The following SPAG9 variants were observed in gnomAD, a reference collection of about 807,000 sequenced individuals.
SPAG9 encodes C-Jun-amino-terminal kinase-interacting protein 4.
A neutral mutation model predicts 166.5 loss-of-function variants in SPAG9; 35 were observed. The ratio of observed to expected loss-of-function variants is 0.21; its 90% CI spans 0.16 to 0.28. SPAG9 has a LOEUF of 0.28. Ranked by LOEUF, SPAG9 falls within the 10% of genes least tolerant of loss-of-function variation. The pLI, the probability that SPAG9 is intolerant of heterozygous loss-of-function variation, is 1.00. For missense variants in SPAG9, 1,235 were observed against 1,603.3 expected (o/e 0.77, Z 3.92); for synonymous variants, 534 against 565.5 (o/e 0.94, Z 0.79).
At chr17:51,048,817 T>C (rs902297591) in intron 3 of SPAG9, among the ~76,000 whole-genome samples, 2 of 152,166 alleles carry the variant, frequency 1.3e-5, no homozygotes, top group Non-Finnish European at 2.9e-5. Context: ...ACAACAAATG[T>C]TATCCACAAA....
At chr17:51,079,730 T>C in intron 1 of SPAG9, 26 bp from the exon 2 acceptor site, 1 of 1,432,006 alleles carries the variant, frequency 7.0e-7, no homozygotes, top group Non-Finnish European at 9.7e-7. Flanking sequence ...AATATAAATT[T>C]AATCAGAGAA....
chr17:51,053,671 C>T (rs1438529294), intron 3 of SPAG9, among the ~76,000 whole-genome samples: 24 of 147,966 alleles, frequency 1.6e-4, no homozygotes, highest in South Asian at 1.1e-3. Flanking sequence ...GGTGACAGAA[C>T]GAGACTCCAT....
intron 3 of SPAG9, among the ~76,000 whole-genome samples, chr17:51,053,748 G>T (rs1265481811): frequency 1.3e-5 from 2 of 148,904 alleles, no homozygotes; most frequent in Non-Finnish European, 3.0e-5. Flanking sequence ...TGATGTGGGA[G>T]GACTGCTTGA....
intron 1 of SPAG9, among the ~76,000 whole-genome samples, chr17:51,109,847 G>A (rs2049057454): frequency 6.6e-6 from 1 of 151,952 alleles, no homozygotes; most frequent in South Asian, 2.1e-4. Flanking sequence ...AAGTAGCTGG[G>A]ACTATAGGCA....
intron 2 of SPAG9, among the ~76,000 whole-genome samples, chr17:51,062,052 A>G (rs2047533712): frequency 6.6e-6 from 1 of 152,180 alleles, no homozygotes; most frequent in South Asian, 2.1e-4. Context: ...TCACAGAAAA[A>G]GGGCATTTAG....
At chr17:51,116,218 G>A (rs2049284148) in intron 1 of SPAG9, among the ~76,000 whole-genome samples, 1 of 152,108 alleles carries the variant, frequency 6.6e-6, no homozygotes, top group East Asian at 1.9e-4. Flanking sequence ...GATAATTTTT[G>A]TATTTTTAGT....
intron 10 of SPAG9, 96 bp from the exon 11 acceptor site, chr17:51,006,333 A>G: frequency 8.5e-7 from 1 of 1,178,886 alleles, no homozygotes; most frequent in South Asian, 1.5e-5. Flanking sequence ...ACCATAGACA[A>G]TAATAATTTA....
At chr17:51,060,504 T>TAA (rs1702241688) in intron 2 of SPAG9, among the ~76,000 whole-genome samples, 2 of 138,042 alleles carry the variant, frequency 1.4e-5, no homozygotes, top group Non-Finnish European at 1.5e-5. Flanking sequence ...CTTTGTCTTT[T>TAA]TAAAAAAAAA....
intron 23 of SPAG9, among the ~76,000 whole-genome samples, chr17:50,985,406 A>G (rs536281728): frequency 1.1e-4 from 16 of 152,356 alleles, no homozygotes; most frequent in African/African-American, 3.4e-4. Context: ...TACAAGCCAT[A>G]AAGAATATTC....
rs146005955 is a variant in SPAG9 at position 51,109,828 on chromosome 17, C to T, written c.303+10526G>A. The stretch of plus-strand genomic sequence containing the variant: ...CTAGGCTGGTGCGATCCTCCTGCCT[C>T]GGCCCCCCAAGTAGCTGGGACTATA... On this transcript the variant is annotated intron_variant, in intron 1 of 29. Coordinates refer to ENST00000262013, the MANE Select transcript of SPAG9 (RefSeq NM_001130528.3). 4.6e-5 allele frequency among the ~76,000 whole-genome samples: 7 copies of T among 152,110 alleles called. No homozygotes were observed. In the East Asian group the frequency reaches 5.8e-4, roughly 13 times the overall value.
In SPAG9 at chr17:50,995,533, C is replaced by A. The variant is rs776683928; in HGVS notation, c.1969G>T (p.Val657Leu). Residue 657 changes from valine to leucine, a missense_variant and splice_region_variant, in exon 17 of 30, where the codon GTA becomes TTA. Physicochemically the swap from Val to Leu is conservative, Grantham distance 32. Around this residue, in one of 6 missense-constraint regions of SPAG9, gnomAD observed 493 missense variants for 559.4 expected, o/e 0.88. Coordinates refer to ENST00000262013, the MANE Select transcript of SPAG9 (RefSeq NM_001130528.3). ...TTATTTTCACCTTGACCATTGGTTA[C>A]CTAATAATGGTGGAAGGAGGAGTGA... ...GWSLPQKYKQ[V>L]TNGQGENKMK... 1 of 1,590,230 alleles carries A rather than the reference C, an allele frequency of 6.3e-7. No homozygotes were observed. The highest frequency in any genetic ancestry group is 1.7e-5 in the Admixed American group (1 of 59,930).
intron 1 of SPAG9, among the ~76,000 whole-genome samples, chr17:51,109,737 A>G (rs1330088346): frequency 1.3e-5 from 2 of 151,894 alleles, no homozygotes; most frequent in Non-Finnish European, 2.9e-5. Context: ...TTTTTGACAG[A>G]GTCTCACTGT....
chr17:51,092,928 C>T (rs779950472), intron 1 of SPAG9, among the ~76,000 whole-genome samples: 35 of 151,380 alleles, frequency 2.3e-4, no homozygotes, highest in South Asian at 2.1e-4. Context: ...ACAGAGCAAG[C>T]AAATGTCTCT....
At chr17:51,051,255 C>A (rs910526079) in intron 3 of SPAG9, among the ~76,000 whole-genome samples, 2 of 152,110 alleles carry the variant, frequency 1.3e-5, no homozygotes, top group African/African-American at 4.8e-5. Flanking sequence ...ATTACAGGTG[C>A]CTGCCACCAT....
rs9913856 is a variant in SPAG9 at position 51,019,953 on chromosome 17, C to T, written c.1091+206G>A. Among the ~76,000 whole-genome samples, 3 of 152,304 alleles carry T rather than the reference C, an allele frequency of 2.0e-5. No individual in the cohort carries two copies. The South Asian group carries it at 6.2e-4, about 32-fold the overall frequency. ...GACACCATCCTTCCTGCTCATACAC[C>T]TAATTTGTGATCCTGCAAAGATAAC... is the stretch of plus-strand genomic sequence containing the variant. On this transcript the variant is annotated intron_variant, in intron 8 of 29. Coordinates refer to ENST00000262013, the MANE Select transcript of SPAG9 (RefSeq NM_001130528.3).
chr17:51,106,335 T>A (rs894499845), intron 1 of SPAG9, among the ~76,000 whole-genome samples: 36 of 152,042 alleles, frequency 2.4e-4, no homozygotes, highest in Non-Finnish European at 4.0e-4. Context: ...TTTAAAAAAA[T>A]TTTTAAGTAA....
intron 2 of SPAG9, among the ~76,000 whole-genome samples, chr17:51,068,477 G>A (rs1483245783): frequency 6.6e-6 from 1 of 152,160 alleles, no homozygotes; most frequent in Non-Finnish European, 1.5e-5. Context: ...TCCCTGTCTT[G>A]AAGATGTTAC....
intron 1 of SPAG9, among the ~76,000 whole-genome samples, chr17:51,116,776 T>G (rs540972652): frequency 1.4e-4 from 21 of 152,312 alleles, no homozygotes; most frequent in African/African-American, 5.1e-4. Context: ...GAATTTAAAT[T>G]TAAAAGTCAC....
intron 2 of SPAG9, among the ~76,000 whole-genome samples, chr17:51,075,551 G>A (rs776993200): frequency 9.9e-5 from 15 of 152,138 alleles, no homozygotes; most frequent in African/African-American, 1.4e-4. Context: ...CTGGTCGAGC[G>A]CAGTGGCTTA....
Sources: allele counts gnomAD v4.1 joint callset (sites outside exome capture counted in the v4.1 genomes callset), GRCh38; gene constraint gnomAD v4.1.1; regional missense constraint gnomAD v4.1.1; transcripts MANE v1.5; gene names NCBI Gene and HGNC (gene_info 2026-07-23, HGNC 2026-07-21).